Variants in FOXK1 observed in about 807,000 individuals in gnomAD.
FOXK1 encodes the protein forkhead box protein K1.
Under a neutral mutation model 51.9 loss-of-function variants are expected in FOXK1, and 19 were observed. The ratio of observed to expected loss-of-function variants is 0.37; its 90% CI spans 0.26 to 0.54. The LOEUF (loss-of-function observed/expected upper bound fraction) is 0.54. Ranked by LOEUF, FOXK1 falls within the 20% of genes least tolerant of loss-of-function variation. FOXK1 has a pLI of 0.87. For synonymous variants in FOXK1, 537 were observed against 482.6 expected (o/e 1.11, Z -1.48); for missense variants, 870 against 1,032.7 (o/e 0.84, Z 2.16).
chr7:4,764,457 T>C lies in FOXK1; in HGVS notation c.*1993T>C, dbSNP rs977109912. On this transcript the variant is annotated 3_prime_UTR_variant, in exon 9 of 9. Transcript: ENST00000328914. The stretch of plus-strand genomic sequence containing the variant: ...GCTGTCCTGGGTGCAGTTACGTCCG[T>C]GGAGGGTGAGAGATTGCGCCCCGTT... 1.3e-5 allele frequency: 2 copies of C among 154,450 alleles called. No homozygotes were observed. Among genetic ancestry groups the C allele is most frequent in the African/African-American group, 4.8e-5 (2 of 41,486 alleles). The allele number at this position is 154,450 out of a possible 1,614,324, so 9.6% of individuals were successfully genotyped here. A position where few individuals can be genotyped will look rare whatever the true frequency, so the allele number is the denominator to read the frequency against.
chr7:4,754,819 T>G, intron 3 of FOXK1: 1 of 694,304 alleles, frequency 1.4e-6, no homozygotes, highest in East Asian at 2.8e-5. Context: ...GGTCATTTGC[T>G]GGTGACAGGG....
At position 4,755,143 on chromosome 7, in the gene FOXK1, G is replaced by A. The variant is rs771715705; in HGVS notation, c.904-94G>A. The A allele has an allele frequency of 3.0e-5, 45 of 1,494,274 alleles. No individual in the cohort carries two copies. Among genetic ancestry groups the A allele is most frequent in the African/African-American group, 6.9e-5 (5 of 72,720 alleles). 92.6% of individuals were successfully genotyped at this position (1,494,274 alleles called of 1,614,324 possible). A position where few individuals can be genotyped will look rare whatever the true frequency, so the allele number is the denominator to read the frequency against. ...GTGCCGGCAAGACGCGCACATTCTC[G>A]TGGGAAGGTTCCTCCCCATCAGCTG... On this transcript the variant is annotated intron_variant, in intron 3 of 8. Transcript: ENST00000328914. This position sits in a 1 kb window ranked among gnomAD's most constrained non-coding sequence, Gnocchi z 6.6.
At chr7:4,736,579 A>AT (rs1034251823) in intron 1 of FOXK1, among the ~76,000 whole-genome samples, 2 of 151,798 alleles carry the variant, frequency 1.3e-5, no homozygotes, top group African/African-American at 4.8e-5. Context: ...TGCCTGGTTC[A>AT]TTTTTTGTAT....
At chr7:4,695,529 G>A (rs6952979) in intron 1 of FOXK1, among the ~76,000 whole-genome samples, 1 of 152,226 alleles carries the variant, frequency 6.6e-6, no homozygotes, top group Admixed American at 6.5e-5. Flanking sequence ...TCAAGGCGGG[G>A]CGCGGTGGCT....
rs1781088180 is a variant in FOXK1, at chr7:4,770,844, G to C, written c.*8380G>C. ...GATTATTCTCCTGTAAAAATAATTT[G>C]GGAGGGGCGGGTGTTGTTCGGTGTG... On this transcript the variant is annotated 3_prime_UTR_variant, in exon 9 of 9. Transcript: ENST00000328914. 3 of 148,342 alleles carry C rather than the reference G, an allele frequency of 2.0e-5. No homozygotes were observed. In the South Asian group the frequency reaches 6.5e-4, roughly 32 times the overall value. 9.2% of individuals were successfully genotyped at this position (148,342 alleles called of 1,614,324 possible). A position where few individuals can be genotyped will look rare whatever the true frequency, so the allele number is the denominator to read the frequency against.
chr7:4,697,880 A>G (rs1481633443), intron 1 of FOXK1, among the ~76,000 whole-genome samples: 2 of 151,362 alleles, frequency 1.3e-5, no homozygotes, highest in Non-Finnish European at 2.9e-5. Context: ...ACTGGAGTGC[A>G]GTGGCGTGAT....
rs775099211 is a variant in FOXK1, at chr7:4,704,834, C to CTTTTTTTTTTTTTTTTTTTTTT, written c.560+21981_560+21982insTTTTTTTTTTTTTTTTTTTTTT. On this transcript the variant is annotated intron_variant, in intron 1 of 8. Transcript: ENST00000328914. ...CTCCCAAACCAATCTATGTTTCATT[C>CTTTTTTTTTTTTTTTTTTTTTT]TTTTTTTTTTTTTTTGAGAAAAAGT... Among the ~76,000 whole-genome samples, 154 of 131,378 alleles carry CTTTTTTTTTTTTTTTTTTTTTT rather than the reference C, an allele frequency of 1.2e-3. 20 individuals are homozygous for CTTTTTTTTTTTTTTTTTTTTTT. The highest frequency in any genetic ancestry group is 4.8e-3 in the African/African-American group (148 of 31,068). The allele number at this position is 131,378 out of a possible 152,430, so 86.2% of individuals were successfully genotyped here. A position where few individuals can be genotyped will look rare whatever the true frequency, so the allele number is the denominator to read the frequency against.
chr7:4,757,228 G>T, intron 5 of FOXK1, 41 bp downstream of exon 5: 1 of 1,536,328 alleles, frequency 6.5e-7, no homozygotes. Context: ...TGTTAGGAAA[G>T]CTGAGCTGCC....
In FOXK1 at chr7:4,735,070, G is replaced by A. The variant is rs1780535501; in HGVS notation, c.561-5768G>A. On this transcript the variant is annotated intron_variant, in intron 1 of 8. Transcript: ENST00000328914. The surrounding 1 kb of genome is among the most constrained non-coding windows in gnomAD (Gnocchi z 4.7). The stretch of plus-strand genomic sequence containing the variant: ...AGCTTTCTGTTTGGCCGGGCAGGTG[G>A]TAGGATTTGTGGCCTAGGGAGGGGA... Among the ~76,000 whole-genome samples, 2 of 152,162 alleles carry A rather than the reference G, an allele frequency of 1.3e-5. No individual in the cohort carries two copies. The highest frequency in any genetic ancestry group is 4.1e-4 in the South Asian group (2 of 4,834).
At position 4,703,103 on chromosome 7, in the gene FOXK1, G is replaced by GGGGGCTGGGC. The variant is rs1562371780; in HGVS notation, c.560+20236_560+20245dup. On this transcript the variant is annotated intron_variant, in intron 1 of 8. Coordinates refer to ENST00000328914, the MANE Select transcript of FOXK1 (RefSeq NM_001037165.2). The surrounding 1 kb of genome is among the most constrained non-coding windows in gnomAD (Gnocchi z 5.6). ...TGCTGGGTGAGAGTGCCTCTGTGTC[G>GGGGGCTGGGC]GGGGCTGGGCTGGGCTGGGCTGGAC... Among the ~76,000 whole-genome samples the GGGGGCTGGGC allele has an allele frequency of 6.6e-6, 1 of 152,160 alleles. No homozygotes were observed. The highest frequency in any genetic ancestry group is 1.5e-5 in the Non-Finnish European group (1 of 68,034).
intron 1 of FOXK1, among the ~76,000 whole-genome samples, chr7:4,725,000 A>G (rs1409132177): frequency 6.6e-6 from 1 of 151,730 alleles, no homozygotes; most frequent in Non-Finnish European, 1.5e-5. Context: ...GTTTGGGGGG[A>G]GCCCCGCCCT....
At position 4,756,269 on chromosome 7, in the gene FOXK1, C is replaced by A. The variant is rs2115072428; in HGVS notation, c.1051-725C>A. 6.6e-6 allele frequency among the ~76,000 whole-genome samples: 1 copy of A among 152,196 alleles called. No individual in the cohort carries two copies. The highest frequency in any genetic ancestry group is 1.9e-4 in the East Asian group (1 of 5,130). On this transcript the variant is annotated intron_variant, in intron 4 of 8. Transcript: ENST00000328914. The surrounding 1 kb of genome is among the most constrained non-coding windows in gnomAD (Gnocchi z 4.1). ...AGCTGGGGCTACAGGTGCCCACCACCACACCTGGCTATTTTTTGTATTTTT... is the reference window on the plus strand; with the variant it reads ...AGCTGGGGCTACAGGTGCCCACCACAACACCTGGCTATTTTTTGTATTTTT...
chr7:4,717,078 T>C (rs1189197813), intron 1 of FOXK1, among the ~76,000 whole-genome samples: 1 of 98,586 alleles, frequency 1.0e-5, no homozygotes, highest in South Asian at 3.5e-4. Context: ...GTGGCTGGAA[T>C]GTGGTGGCGG....
At position 4,722,588 on chromosome 7, in the gene FOXK1, C is replaced by T. The variant is rs1260944925; in HGVS notation, c.561-18250C>T. Among the ~76,000 whole-genome samples, 1 of 152,270 alleles carries T rather than the reference C, an allele frequency of 6.6e-6. No individual in the cohort carries two copies. The highest frequency in any genetic ancestry group is 1.5e-5 in the Non-Finnish European group (1 of 68,050). ...CGTGCAGCACGGGCACACTCGTATA[C>T]AACGGGCACACATGCACGTCAGCCG... On this transcript the variant is annotated intron_variant, in intron 1 of 8. Transcript: ENST00000328914. This position sits in a 1 kb window ranked among gnomAD's most constrained non-coding sequence, Gnocchi z 5.1.
chr7:4,702,184 A>T (rs1189414842), intron 1 of FOXK1, among the ~76,000 whole-genome samples: 1 of 152,162 alleles, frequency 6.6e-6, no homozygotes, highest in Admixed American at 6.5e-5. Flanking sequence ...AAAGAGACAC[A>T]TGACAGATAA....
At chr7:4,692,458 C>T (rs1364524118) in intron 1 of FOXK1, among the ~76,000 whole-genome samples, 3 of 152,164 alleles carry the variant, frequency 2.0e-5, no homozygotes, top group East Asian at 3.8e-4. Flanking sequence ...GGCAGTGGCA[C>T]GATCTCAGCT....
chr7:4,724,182 T>C (rs915258836), intron 1 of FOXK1, among the ~76,000 whole-genome samples: 3 of 151,952 alleles, frequency 2.0e-5, no homozygotes, highest in Non-Finnish European at 4.4e-5. Flanking sequence ...AGTTTGTGTT[T>C]TGGGGGTGGT....
At chr7:4,737,049 G>A (rs1780561517) in intron 1 of FOXK1, among the ~76,000 whole-genome samples, 1 of 152,194 alleles carries the variant, frequency 6.6e-6, no homozygotes, top group Admixed American at 6.5e-5. Flanking sequence ...CTCCTCTTCT[G>A]TGCGTGTGTG....
In FOXK1 at chr7:4,745,073, T is replaced by C. The variant is rs1449641793; in HGVS notation, c.746+4050T>C. Reference sequence around the variant, plus strand: ...GCGTGTTTACAAACACTCCCTGCCCTTCCCTGCCACCTCCCCACTCTCCTC... The same window carrying C: ...GCGTGTTTACAAACACTCCCTGCCCCTCCCTGCCACCTCCCCACTCTCCTC... On this transcript the variant is annotated intron_variant, in intron 2 of 8. Transcript: ENST00000328914. The surrounding 1 kb of genome is among the most constrained non-coding windows in gnomAD (Gnocchi z 4.3). 6.6e-6 allele frequency among the ~76,000 whole-genome samples: 1 copy of C among 152,194 alleles called. No homozygotes were observed. The highest frequency in any genetic ancestry group is 1.5e-5 in the Non-Finnish European group (1 of 68,032).
Sources: gnomAD v4.1 joint callset for allele counts (sites outside exome capture counted in the v4.1 genomes callset) on GRCh38, gnomAD v4.1.1 for gene constraint, Gnocchi (gnomAD v3.1) non-coding constraint, MANE v1.5 for transcripts, NCBI Gene and HGNC (gene_info 2026-07-23, HGNC 2026-07-21) for gene names.